CELF4: variants seen among roughly 807,000 people sequenced by gnomAD.
CELF4 encodes the protein CUGBP Elav-like family member 4.
Under a neutral mutation model 59.9 loss-of-function variants are expected in CELF4, and 18 were observed. That is an observed-to-expected ratio of 0.30 (90% CI 0.21 to 0.45). CELF4 has a LOEUF of 0.45. Among genes scored for constraint, CELF4 ranks in the 20% least tolerant of loss-of-function variants. The pLI, the probability that CELF4 is intolerant of heterozygous loss-of-function variation, is 1.00. For synonymous variants in CELF4, 261 were observed against 267.1 expected (o/e 0.98, Z 0.22); for missense variants, 456 against 689.0 (o/e 0.66, Z 3.79).
At position 37,273,176 on chromosome 18, in the gene CELF4, G is replaced by T. The variant is rs571444557; in HGVS notation, c.802-13C>A. On this transcript the variant is annotated splice_polypyrimidine_tract_variant and intron_variant, in intron 6 of 12. Transcript: ENST00000420428. ...GCTGCTGCATCAGCTGGGGCAGAGG[G>T]AGTGGAAAAAATATCACGTGCTTCC... The T allele has an allele frequency of 1.9e-6, 3 of 1,600,062 alleles. No individual in the cohort carries two copies. The highest frequency in any genetic ancestry group is 4.5e-5 in the East Asian group (2 of 44,446).
At chr18:37,320,826 T>A (rs80322856) in intron 3 of CELF4, among the ~76,000 whole-genome samples, 1 of 152,142 alleles carries the variant, frequency 6.6e-6, no homozygotes, top group Non-Finnish European at 1.5e-5. Context: ...CTGCACATTC[T>A]TCTACCCTAT....
chr18:37,399,193 A>T (rs2099287068), intron 2 of CELF4, among the ~76,000 whole-genome samples: 1 of 152,048 alleles, frequency 6.6e-6, no homozygotes, highest in Admixed American at 6.5e-5. Flanking sequence ...TTTAATTGCC[A>T]TTGTGATATT....
chr18:37,343,477 G>C (rs1333375335), intron 2 of CELF4, among the ~76,000 whole-genome samples: 1 of 151,994 alleles, frequency 6.6e-6, no homozygotes, highest in African/African-American at 2.4e-5. Context: ...ACAGCCACCA[G>C]ATGGCAGCCG....
intron 2 of CELF4, among the ~76,000 whole-genome samples, chr18:37,355,609 G>C (rs551798157): frequency 6.6e-6 from 1 of 151,640 alleles, no homozygotes; most frequent in Admixed American, 6.6e-5. Flanking sequence ...GGAAGCAGAG[G>C]TTGCAGTGAG....
intron 2 of CELF4, among the ~76,000 whole-genome samples, chr18:37,340,937 C>T (rs2097994692): frequency 6.6e-6 from 1 of 152,218 alleles, no homozygotes; most frequent in Admixed American, 6.5e-5. Flanking sequence ...AAGCTAACGT[C>T]TGAGCCACTT....
At chr18:37,377,907 A>G (rs2098989501) in intron 2 of CELF4, among the ~76,000 whole-genome samples, 1 of 152,152 alleles carries the variant, frequency 6.6e-6, no homozygotes, top group South Asian at 2.1e-4. Flanking sequence ...ATGGGGGACT[A>G]GGGGGAACAG....
intron 1 of CELF4, among the ~76,000 whole-genome samples, chr18:37,553,292 G>T (rs1425979273): frequency 2.0e-5 from 3 of 152,084 alleles, no homozygotes; most frequent in Admixed American, 6.5e-5. Context: ...TGCTCTACTG[G>T]GGCCTCAGCT....
intron 3 of CELF4, among the ~76,000 whole-genome samples, chr18:37,318,068 T>C (rs1178716170): frequency 6.6e-6 from 1 of 152,224 alleles, no homozygotes; most frequent in Admixed American, 6.5e-5. Flanking sequence ...CATCTTTCTG[T>C]GCTGCTTATG....
intron 1 of CELF4, among the ~76,000 whole-genome samples, chr18:37,494,527 G>C (rs1049499627): frequency 1.3e-5 from 2 of 152,222 alleles, no homozygotes; most frequent in African/African-American, 4.8e-5. Context: ...GCATGAGGGT[G>C]CTCCCTTATG....
At chr18:37,410,106 G>C (rs1444453582) in intron 2 of CELF4, among the ~76,000 whole-genome samples, 2 of 152,214 alleles carry the variant, frequency 1.3e-5, no homozygotes, top group Non-Finnish European at 2.9e-5. Flanking sequence ...CGATGTGTGT[G>C]AGGTTCTCGG....
chr18:37,367,545 A>C (rs889528668), intron 2 of CELF4, among the ~76,000 whole-genome samples: 13 of 152,266 alleles, frequency 8.5e-5, no homozygotes, highest in Admixed American at 6.5e-4. Flanking sequence ...CAGGAAGGCC[A>C]CGGCTGAATT....
intron 1 of CELF4, among the ~76,000 whole-genome samples, chr18:37,516,985 G>A (rs939878034): frequency 1.3e-5 from 2 of 152,242 alleles, no homozygotes; most frequent in African/African-American, 2.4e-5. Context: ...CTGAGAGGCT[G>A]CGGGACCGTG....
intron 1 of CELF4, among the ~76,000 whole-genome samples, chr18:37,514,289 C>G (rs1031173822): frequency 6.6e-6 from 1 of 152,098 alleles, no homozygotes; most frequent in Non-Finnish European, 1.5e-5. Context: ...CCCTCTCTCT[C>G]CTAGGACGAG....
intron 1 of CELF4, among the ~76,000 whole-genome samples, chr18:37,553,989 A>G (rs905461035): frequency 6.6e-6 from 1 of 152,204 alleles, no homozygotes; most frequent in African/African-American, 2.4e-5. Context: ...CCCAGGTATG[A>G]AAAAGGTGTA....
intron 7 of CELF4, among the ~76,000 whole-genome samples, chr18:37,271,563 A>G (rs1398052306): frequency 1.3e-5 from 2 of 152,110 alleles, no homozygotes; most frequent in Non-Finnish European, 2.9e-5. Flanking sequence ...GCCTTCCTTA[A>G]GTCTTTTTCA....
rs111424724 is a variant in CELF4 at position 37,379,239 on chromosome 18, T to C, written c.370-57358A>G. 8.8e-4 allele frequency among the ~76,000 whole-genome samples: 134 copies of C among 152,258 alleles called. 1 individual carries two copies. The highest frequency in any genetic ancestry group is 3.0e-3 in the African/African-American group (126 of 41,554). ...GAGCAGGGATAAACAGTAAACTCCC[T>C]AAGGCAGAGGCTGTCTTCACTCTGT... On this transcript the variant is annotated intron_variant, in intron 2 of 12. Coordinates refer to ENST00000420428, the MANE Select transcript of CELF4 (RefSeq NM_020180.4).
intron 10 of CELF4, among the ~76,000 whole-genome samples, chr18:37,262,268 G>A (rs1258611420): frequency 3.3e-5 from 5 of 152,188 alleles, no homozygotes; most frequent in Admixed American, 3.3e-4. Context: ...CATCCCTGGG[G>A]TGGCTCAACC....
At chr18:37,522,356 T>C (rs1404251019) in intron 1 of CELF4, among the ~76,000 whole-genome samples, 2 of 152,182 alleles carry the variant, frequency 1.3e-5, no homozygotes, top group African/African-American at 2.4e-5. Flanking sequence ...ACAGGGACCA[T>C]GCATCTCCCT....
At chr18:37,327,813 G>C (rs1440651382) in intron 2 of CELF4, among the ~76,000 whole-genome samples, 1 of 152,276 alleles carries the variant, frequency 6.6e-6, no homozygotes, top group Middle Eastern at 3.4e-3. Context: ...GCCCCAGCAG[G>C]GCCCCCTCAC....
Sources: allele counts gnomAD v4.1 joint callset (sites outside exome capture counted in the v4.1 genomes callset), GRCh38; gene constraint gnomAD v4.1.1; transcripts MANE v1.5; gene names NCBI Gene and HGNC (gene_info 2026-07-23, HGNC 2026-07-21).